Variants in UTP25 observed in about 807,000 individuals in gnomAD.
The protein encoded by UTP25 is U3 small nucleolar RNA-associated protein 25 homolog.
In UTP25, 50 loss-of-function variants were observed where a neutral mutation model predicts 78.9. The ratio of observed to expected loss-of-function variants is 0.63; its 90% CI spans 0.50 to 0.80. The LOEUF (loss-of-function observed/expected upper bound fraction) is 0.80, where lower values mean the gene tolerates loss of function less well. Among genes scored for constraint, UTP25 ranks in the 30% least tolerant of loss-of-function variants. The pLI, the probability that UTP25 is intolerant of heterozygous loss-of-function variation, is 0.00. For missense variants in UTP25, 846 were observed against 911.3 expected, an observed-to-expected ratio of 0.93 and a Z score of 0.92; for synonymous variants, 329 against 336.5, an observed-to-expected ratio of 0.98 and a Z score of 0.24.
chr1:209,830,398 G>A (rs557462996), intron 2 of UTP25, among the ~76,000 whole-genome samples: 1 of 152,034 alleles, frequency 6.6e-6, no homozygotes, highest in South Asian at 2.1e-4. Context: ...CTTATCAGAG[G>A]GCTCTTAGTG....
rs2078135781 is a variant in UTP25 at position 209,836,853 on chromosome 1, C to T, written c.704C>T (p.Thr235Ile). The change falls in exon 6 of 12, where the codon ACA becomes ATA. Residue 235 changes from threonine to isoleucine, a missense_variant. Physicochemically the swap from Thr to Ile is moderately conservative, Grantham distance 89 (BLOSUM62 -1). Transcript: ENST00000491415. ...TCCTCTAAGTTTCAGAAGTTGGAAA[C>T]ATTTAAACCCCCAAAGGATATTGAC... ...FFSSKFQKLE[T>I]FKPPKDIDLK... 1 of 1,613,320 alleles carries T rather than the reference C, an allele frequency of 6.2e-7. No homozygotes were observed. Among genetic ancestry groups the T allele is most frequent in the Admixed American group, 1.7e-5 (1 of 59,824 alleles).
chr1:209,830,730 G>C, intron 2 of UTP25, 73 bp from the exon 3 acceptor site: 1 of 1,534,852 alleles, frequency 6.5e-7, no homozygotes, highest in Middle Eastern at 1.9e-4. Context: ...ATAGATGTTG[G>C]CTTGATGATA....
chr1:209,845,816 T>TTC (rs2078193745), intron 11 of UTP25, among the ~76,000 whole-genome samples: 1 of 151,622 alleles, frequency 6.6e-6, no homozygotes, highest in African/African-American at 2.4e-5. Context: ...ATTTTTTTTT[T>TTC]TTTAATTTGA....
chr1:209,833,102 G>C, intron 3 of UTP25, 83 bp from the exon 4 acceptor site: 1 of 1,288,982 alleles, frequency 7.8e-7, no homozygotes, highest in Non-Finnish European at 1.1e-6. Flanking sequence ...GCTATTGTTG[G>C]TATAGCCTAA....
chr1:209,828,383 C>T (rs2078082118), intron 1 of UTP25, among the ~76,000 whole-genome samples: 1 of 149,716 alleles, frequency 6.7e-6, no homozygotes, highest in South Asian at 2.1e-4. Flanking sequence ...AAGAGGCACG[C>T]CCGTTGTGTG....
intron 10 of UTP25, chr1:209,843,212 C>G: frequency 1.8e-6 from 1 of 546,380 alleles, no homozygotes. Context: ...TAGAGTAATT[C>G]TCTGGGATAT....
Position 209,855,189 on chromosome 1 carries a change from C to T in UTP25, c.*3742C>T, listed in dbSNP as rs2078266936. 1 of 152,214 alleles carries T rather than the reference C, an allele frequency of 6.6e-6. No individual in the cohort carries two copies. The highest frequency in any genetic ancestry group is 1.5e-5 in the Non-Finnish European group (1 of 68,044). 9.4% of individuals were successfully genotyped at this position (152,214 alleles called of 1,614,324 possible). On this transcript the variant is annotated 3_prime_UTR_variant, in exon 12 of 12. Transcript: ENST00000491415. ...CCCGCGACGTTCAGCCGTCTTCCTC[C>T]TATGCCACGTGCTCTCACCAGAACT... is the stretch of plus-strand genomic sequence containing the variant.
chr1:209,828,918 G>T (rs1052895246), intron 1 of UTP25, among the ~76,000 whole-genome samples: 2 of 151,756 alleles, frequency 1.3e-5, no homozygotes, highest in East Asian at 1.9e-4. Flanking sequence ...GATTACAGGC[G>T]CCCGCCATCA....
In UTP25 at chr1:209,839,100, G is replaced by T. The variant is rs754319011; in HGVS notation, c.1254G>T (p.Val418=). The T allele has an allele frequency of 6.2e-7, 1 of 1,612,986 alleles. No homozygotes were observed. Among genetic ancestry groups the T allele is most frequent in the Non-Finnish European group, 8.5e-7 (1 of 1,179,158 alleles). Residue 418 remains valine, a synonymous_variant, in exon 7 of 12, where the codon GTG becomes GTT. Transcript: ENST00000491415. ...CTGAGGATTATGAAGCCGTATTTGT[G>T]GGCAATATTGATGACCACTTCAGGA... is the stretch of plus-strand genomic sequence containing the variant. ...KRPEDYEAVF[V]GNIDDHFRIG...
chr1:209,849,244 C>G (rs571978357), intron 11 of UTP25, among the ~76,000 whole-genome samples: 3 of 152,324 alleles, frequency 2.0e-5, no homozygotes, highest in East Asian at 1.9e-4. Context: ...GGCAGCCAGA[C>G]TCCACCTTTT....
Position 209,851,563 on chromosome 1 carries a change from G to A in UTP25, c.*116G>A, listed in dbSNP as rs2078238665. ...GGACTGATACAAAGAAAGTGCATGA[G>A]GCAATGTCAGTATTATCTGACATCT... On this transcript the variant is annotated 3_prime_UTR_variant, in exon 12 of 12. Transcript: ENST00000491415. 4 of 1,315,416 alleles carry A rather than the reference G, an allele frequency of 3.0e-6. No individual in the cohort carries two copies. The Admixed American group carries it at 7.9e-5, about 26-fold the overall frequency. 81.5% of individuals were successfully genotyped at this position (1,315,416 alleles called of 1,614,324 possible).
rs2078276231 is a variant in UTP25, at chr1:209,856,414, A to C, written c.*4967A>C. ...GTTCTTTAAAACTCAGAGGAGCACCACTTTTACCTTCTGCTCTTCCCTTTT... is the reference window on the plus strand; with the variant it reads ...GTTCTTTAAAACTCAGAGGAGCACCCCTTTTACCTTCTGCTCTTCCCTTTT... On this transcript the variant is annotated 3_prime_UTR_variant, in exon 12 of 12. Transcript: ENST00000491415. 6.6e-6 allele frequency: 1 copy of C among 152,180 alleles called. No individual in the cohort carries two copies. The highest frequency in any genetic ancestry group is 2.4e-5 in the African/African-American group (1 of 41,422). The allele number at this position is 152,180 out of a possible 1,614,324, so 9.4% of individuals were successfully genotyped here. A position where few individuals can be genotyped will look rare whatever the true frequency, so the allele number is the denominator to read the frequency against.
chr1:209,832,986 G>T (rs914270172), intron 3 of UTP25, among the ~76,000 whole-genome samples, 199 bp from the exon 4 acceptor site: 2 of 152,166 alleles, frequency 1.3e-5, no homozygotes, highest in African/African-American at 4.8e-5. Flanking sequence ...CAGCCAAATT[G>T]AGACATAAAA....
intron 11 of UTP25, among the ~76,000 whole-genome samples, chr1:209,846,433 C>T (rs2078197207): frequency 6.6e-6 from 1 of 152,094 alleles, no homozygotes; most frequent in African/African-American, 2.4e-5. Flanking sequence ...GGAGGCAAGT[C>T]AGAAACTGGA....
chr1:209,835,952 A>G (rs912691184), intron 5 of UTP25, among the ~76,000 whole-genome samples: 6 of 152,158 alleles, frequency 3.9e-5, no homozygotes, highest in Admixed American at 3.3e-4. Flanking sequence ...AGGTTCCTGT[A>G]TCTACTCCTG....
At chr1:209,839,184 G>C in intron 7 of UTP25, 56 bp downstream of exon 7, 1 of 1,463,954 alleles carries the variant, frequency 6.8e-7, no homozygotes. Flanking sequence ...CATAGCTGGA[G>C]ACCAGAAGCT....
chr1:209,830,050 C>A, intron 1 of UTP25, 58 bp from the exon 2 acceptor site: 1 of 1,473,794 alleles, frequency 6.8e-7, no homozygotes, highest in Non-Finnish European at 9.4e-7. Context: ...CTCATTTGAC[C>A]TTTTCCTAAT....
In UTP25 at chr1:209,833,368, C is replaced by T. The variant is rs755505162; in HGVS notation, c.562+10C>T. On this transcript the variant is annotated intron_variant, in intron 4 of 11. Transcript: ENST00000491415. ...TTGAAAGCCTCTCAAGGTCATAGCA[C>T]AGTGTGTGTTATTTGAATTCACCAG... 3.3e-6 allele frequency: 5 copies of T among 1,526,996 alleles called. No individual in the cohort carries two copies. Among genetic ancestry groups the T allele is most frequent in the Non-Finnish European group, 4.4e-6 (5 of 1,140,974 alleles). 94.6% of individuals were successfully genotyped at this position (1,526,996 alleles called of 1,614,324 possible). A position where few individuals can be genotyped will look rare whatever the true frequency, so the allele number is the denominator to read the frequency against.
chr1:209,839,417 C>T (rs1298955604), intron 7 of UTP25, among the ~76,000 whole-genome samples: 2 of 152,132 alleles, frequency 1.3e-5, no homozygotes, highest in Admixed American at 1.3e-4. Flanking sequence ...AAAGCACACC[C>T]ATAGCTGGTA....
Sources: gnomAD v4.1 joint callset for allele counts (sites outside exome capture counted in the v4.1 genomes callset) on GRCh38, gnomAD v4.1.1 for gene constraint, MANE v1.5 for transcripts, NCBI Gene and HGNC (gene_info 2026-07-23, HGNC 2026-07-21) for gene names.